Variants in CPT1A observed in about 807,000 individuals in gnomAD.
The protein encoded by CPT1A is carnitine palmitoyltransferase 1A.
CPT1A carries 64 observed loss-of-function variants against 100.8 expected under a neutral mutation model. The observed-to-expected ratio is 0.63, with a 90% CI of 0.52 to 0.78. The LOEUF is 0.78. CPT1A is among the 30% of genes least tolerant of loss of function. The pLI is 0.00. For missense variants in CPT1A, 802 were observed against 1,034.1 expected (o/e 0.78, Z 3.08); for synonymous variants, 363 against 396.0 (o/e 0.92, Z 0.99).
downstream of CPT1A, chr11:68,754,782 CTT>C (rs1171740614): frequency 1.3e-6 from 1 of 780,764 alleles, no homozygotes; most frequent in African/African-American, 1.7e-5. Flanking sequence ...CCTCCAAGGC[CTT>C]GTTTCCATAT....
At chr11:68,806,567 G>A (rs951451594) in intron 4 of CPT1A, among the ~76,000 whole-genome samples, 8 of 151,480 alleles carry the variant, frequency 5.3e-5, no homozygotes, top group Non-Finnish European at 1.0e-4. Context: ...AGTCGAGGCT[G>A]CAGTGAGCCG....
intron 6 of CPT1A, among the ~76,000 whole-genome samples, chr11:68,797,453 T>G (rs1242376852): frequency 1.3e-5 from 2 of 152,194 alleles, no homozygotes; most frequent in Admixed American, 6.5e-5. Flanking sequence ...GGAAGATCGC[T>G]TGATGCCAGG....
At chr11:68,815,063 C>T (rs1856345788) in intron 2 of CPT1A, among the ~76,000 whole-genome samples, 1 of 152,146 alleles carries the variant, frequency 6.6e-6, no homozygotes, top group African/African-American at 2.4e-5. Flanking sequence ...CTTTACTCTG[C>T]CTCCTATTAA....
intron 9 of CPT1A, among the ~76,000 whole-genome samples, chr11:68,788,428 G>A (rs770967141): frequency 4.0e-5 from 6 of 151,664 alleles, no homozygotes; most frequent in African/African-American, 7.3e-5. Context: ...GCAAAACCCC[G>A]TCTCTATTAA....
intron 1 of CPT1A, among the ~76,000 whole-genome samples, chr11:68,832,609 C>T (rs1434718678): frequency 6.6e-6 from 1 of 152,222 alleles, no homozygotes; most frequent in East Asian, 1.9e-4. Flanking sequence ...ACTGTTGTAA[C>T]CAAAATGATG....
In CPT1A at chr11:68,762,771, G is replaced by A. The variant is rs1330276017; in HGVS notation, c.1741-10C>T. The A allele has an allele frequency of 1.9e-6, 3 of 1,613,942 alleles. No individual in the cohort carries two copies. The highest frequency in any genetic ancestry group is 2.5e-6 in the Non-Finnish European group (3 of 1,180,050). The stretch of plus-strand genomic sequence containing the variant: ...AAAACTTGCCCATGTCCTGGGGAAA[G>A]AGAAGTACTTCAGTGCACGGCAGGG... On this transcript the variant is annotated splice_polypyrimidine_tract_variant and intron_variant, in intron 14 of 18. Coordinates refer to ENST00000265641, the MANE Select transcript of CPT1A (RefSeq NM_001876.4).
At chr11:68,791,230 C>T (rs541072819) in intron 9 of CPT1A, among the ~76,000 whole-genome samples, 14 of 152,298 alleles carry the variant, frequency 9.2e-5, no homozygotes, top group African/African-American at 2.6e-4. Context: ...CCCCATACCA[C>T]GGTGCTGACT....
intron 1 of CPT1A, among the ~76,000 whole-genome samples, chr11:68,818,025 G>C (rs1406492074): frequency 6.6e-6 from 1 of 152,076 alleles, no homozygotes; most frequent in Non-Finnish European, 1.5e-5. Context: ...CAGAGAAAGG[G>C]GAACCTGCCA....
At chr11:68,765,167 G>C (rs945411783) in intron 14 of CPT1A, among the ~76,000 whole-genome samples, 2 of 152,234 alleles carry the variant, frequency 1.3e-5, no homozygotes, top group South Asian at 4.1e-4. Context: ...GAGAGAAGCA[G>C]ATAAAAGGGA....
rs1198520664 is a variant in CPT1A at position 68,781,855 on chromosome 11, G to A, written c.1268C>T (p.Thr423Ile). The change falls in exon 11 of 19, where the codon ACT becomes ATT. Residue 423 changes from threonine to isoleucine, a missense_variant. Physicochemically the swap from Thr to Ile is moderately conservative, Grantham distance 89. Coordinates refer to ENST00000265641, the MANE Select transcript of CPT1A (RefSeq NM_001876.4). ...KAAFFVTLDE[T>I]EEGYRSEDPD... ...GTCTTCACTTCTGTATCCTTCTTCA[G>A]TTTCATCTAACGTCACAAAGAACGC... The A allele has an allele frequency of 3.1e-6, 5 of 1,613,950 alleles. No individual in the cohort carries two copies. The highest frequency in any genetic ancestry group is 1.3e-5 in the African/African-American group (1 of 74,874).
chr11:68,798,076 C>T (rs1203151817), intron 6 of CPT1A, among the ~76,000 whole-genome samples: 1 of 152,240 alleles, frequency 6.6e-6, no homozygotes, highest in East Asian at 1.9e-4. Flanking sequence ...GCCACCGTCC[C>T]AGTCCGTGGC....
intron 1 of CPT1A, among the ~76,000 whole-genome samples, chr11:68,821,789 G>A (rs3019613): frequency 0.78 from 118,011 of 152,096 alleles, 47,080 homozygotes; most frequent in Non-Finnish European, 0.87. Flanking sequence ...AAAGCTGACC[G>A]TATAGGTTTG....
At chr11:68,789,364 G>A (rs1229451986) in intron 9 of CPT1A, among the ~76,000 whole-genome samples, 2 of 151,964 alleles carry the variant, frequency 1.3e-5, no homozygotes, top group African/African-American at 4.8e-5. Flanking sequence ...GATCACCAAC[G>A]AATGGCATTG....
chr11:68,758,935 A>G (rs1335674069), intron 18 of CPT1A, among the ~76,000 whole-genome samples: 2 of 151,988 alleles, frequency 1.3e-5, no homozygotes, highest in Non-Finnish European at 2.9e-5. Flanking sequence ...ATTTGTTTAA[A>G]ACTAGGTAAA....
intron 5 of CPT1A, among the ~76,000 whole-genome samples, chr11:68,799,628 G>A (rs927569484): frequency 2.0e-5 from 3 of 152,010 alleles, no homozygotes; most frequent in African/African-American, 7.2e-5. Context: ...GGTGGTGCAT[G>A]TCTGTGGTCC....
chr11:68,789,438 C>T (rs1186596936), intron 9 of CPT1A, among the ~76,000 whole-genome samples: 1 of 152,030 alleles, frequency 6.6e-6, no homozygotes, highest in African/African-American at 2.4e-5. Flanking sequence ...GCTCTGTCAC[C>T]CAGGCTGGAG....
intron 10 of CPT1A, among the ~76,000 whole-genome samples, chr11:68,782,494 G>A (rs771809357): frequency 1.3e-5 from 2 of 152,152 alleles, no homozygotes; most frequent in Non-Finnish European, 2.9e-5. Flanking sequence ...AGGCAGAGTC[G>A]GAACCCAGGC....
chr11:68,800,528 C>T (rs568536305), intron 5 of CPT1A, among the ~76,000 whole-genome samples: 11 of 151,142 alleles, frequency 7.3e-5, no homozygotes, highest in Admixed American at 4.0e-4. Flanking sequence ...TAGCTGGGTG[C>T]GGTGGCATGT....
At position 68,755,886 on chromosome 11, in the gene CPT1A, GGTGGATCACCTGAGGTCAGGA is replaced by G. The variant is rs1946684015; in HGVS notation, c.*1737_*1757del. ...CCCAGCACTTTGGGAGGCTGAGGCA[GGTGGATCACCTGAGGTCAGGA>G]GTTCGAGACCAGCCTGACCAATATG... On this transcript the variant is annotated 3_prime_UTR_variant, in exon 19 of 19. Coordinates refer to ENST00000265641, the MANE Select transcript of CPT1A (RefSeq NM_001876.4). 1 of 151,216 alleles carries G rather than the reference GGTGGATCACCTGAGGTCAGGA, an allele frequency of 6.6e-6. No individual in the cohort carries two copies. Among genetic ancestry groups the G allele is most frequent in the South Asian group, 2.1e-4 (1 of 4,788 alleles). The allele number at this position is 151,216 out of a possible 1,614,324, so 9.4% of individuals were successfully genotyped here.
Sources: gnomAD v4.1 joint callset for allele counts (sites outside exome capture counted in the v4.1 genomes callset) on GRCh38, gnomAD v4.1.1 for gene constraint, MANE v1.5 for transcripts, NCBI Gene and HGNC (gene_info 2026-07-23, HGNC 2026-07-21) for gene names.